PPP1R15B: variants seen among roughly 807,000 people sequenced by gnomAD.
PPP1R15B encodes protein phosphatase 1, regulatory (inhibitor) subunit 15B.
A neutral mutation model predicts 53.9 loss-of-function variants in PPP1R15B; 31 were observed. The observed-to-expected ratio is 0.58, with a 90% CI of 0.43 to 0.78. PPP1R15B has a LOEUF of 0.78. Ranked by LOEUF, PPP1R15B falls within the 30% of genes least tolerant of loss-of-function variation. The probability of loss-of-function intolerance (pLI) is 0.00; values close to 1 mark genes in which losing one functional copy is unlikely to be tolerated. For synonymous variants in PPP1R15B, 345 were observed against 329.1 expected (o/e 1.05, Z -0.52); for missense variants, 928 against 849.6 (o/e 1.09, Z -1.15).
intron 1 of PPP1R15B, 68 bp from the exon 2 acceptor site, chr1:204,406,381 C>T: frequency 1.9e-6 from 3 of 1,543,180 alleles, no homozygotes; most frequent in Non-Finnish European, 2.6e-6. Context: ...GTCAATAACC[C>T]TTTATGCTAC....
downstream of PPP1R15B, among the ~76,000 whole-genome samples, chr1:204,399,735 G>C (rs150931818): frequency 5.9e-4 from 90 of 152,144 alleles, no homozygotes; most frequent in Middle Eastern, 3.4e-3. Context: ...AGGGCAGAGT[G>C]AACATAATTT....
intron 1 of PPP1R15B, 51 bp downstream of exon 1, chr1:204,409,441 A>C (rs368265401): frequency 2.1e-5 from 33 of 1,537,384 alleles, no homozygotes; most frequent in South Asian, 1.9e-4. Flanking sequence ...ATATTTAAGC[A>C]TATAAAAACA....
chr1:204,400,430 C>A (rs1285005493), downstream of PPP1R15B, among the ~76,000 whole-genome samples: 1 of 151,742 alleles, frequency 6.6e-6, no homozygotes, highest in East Asian at 1.9e-4. Flanking sequence ...CCAACTCAGC[C>A]TCCCAAGTAG....
downstream of PPP1R15B, among the ~76,000 whole-genome samples, chr1:204,402,802 G>A (rs146053727): frequency 6.9e-4 from 105 of 151,960 alleles, 2 homozygotes; most frequent in East Asian, 0.019. Context: ...AGCCAGACAC[G>A]GTGGCTCACG....
intron 1 of PPP1R15B, among the ~76,000 whole-genome samples, chr1:204,407,682 T>C (rs1674288993): frequency 6.6e-6 from 1 of 152,214 alleles, no homozygotes; most frequent in African/African-American, 2.4e-5. Flanking sequence ...GTGTTTACCA[T>C]ATACCAGGCT....
chr1:204,406,488 G>A (rs112678824), intron 1 of PPP1R15B, among the ~76,000 whole-genome samples, 175 bp from the exon 2 acceptor site: 10,182 of 152,042 alleles, frequency 0.067, 474 homozygotes, highest in Non-Finnish European at 0.1. Flanking sequence ...GTTCTGTCAC[G>A]CCTGTAATCC....
At position 204,404,182 on chromosome 1, in the gene PPP1R15B, T is replaced by C. The variant is rs1674223982; in HGVS notation, c.*1910A>G. On this transcript the variant is annotated 3_prime_UTR_variant, in exon 2 of 2. Transcript: ENST00000367188. ...TCATGTTATTAGACCATCCTGTAAATGTGCTCCCTATGATTACCTAAAGTG... is the reference window on the plus strand; with the variant it reads ...TCATGTTATTAGACCATCCTGTAAACGTGCTCCCTATGATTACCTAAAGTG... 2 of 985,400 alleles carry C rather than the reference T, an allele frequency of 2.0e-6. No individual in the cohort carries two copies. The highest frequency in any genetic ancestry group is 2.4e-6 in the Non-Finnish European group (2 of 829,938). 61.0% of individuals were successfully genotyped at this position (985,400 alleles called of 1,614,324 possible). A position where few individuals can be genotyped will look rare whatever the true frequency, so the allele number is the denominator to read the frequency against.
downstream of PPP1R15B, among the ~76,000 whole-genome samples, chr1:204,402,215 AAT>A (rs1674189474): frequency 6.6e-6 from 1 of 152,214 alleles, no homozygotes; most frequent in South Asian, 2.1e-4. Flanking sequence ...CCAGTTCAGA[AAT>A]ATATCTTAAT....
In PPP1R15B at chr1:204,403,821, A is replaced by C; in HGVS notation, c.*2271T>G. Reference sequence around the variant, plus strand: ...CTTTTTTCTCCTTCAGTCCAACTTTAAAATAGTCCTTTCTGTCCTTCTTAT... The same window carrying C: ...CTTTTTTCTCCTTCAGTCCAACTTTCAAATAGTCCTTTCTGTCCTTCTTAT... On this transcript the variant is annotated 3_prime_UTR_variant, in exon 2 of 2. Coordinates refer to ENST00000367188, the MANE Select transcript of PPP1R15B (RefSeq NM_032833.5). The C allele has an allele frequency of 1.0e-6, 1 of 985,868 alleles. No individual in the cohort carries two copies. Among genetic ancestry groups the C allele is most frequent in the South Asian group, 4.7e-5 (1 of 21,278 alleles). The allele number at this position is 985,868 out of a possible 1,614,324, so 61.1% of individuals were successfully genotyped here.
intron 1 of PPP1R15B, among the ~76,000 whole-genome samples, chr1:204,406,540 A>C (rs1674267213): frequency 6.6e-6 from 1 of 152,170 alleles, no homozygotes. Context: ...ACCTGAGGTC[A>C]GGAGTTCAAG....
rs771597286 is a variant in PPP1R15B at position 204,406,062 on chromosome 1, G to A, written c.*30C>T. On this transcript the variant is annotated 3_prime_UTR_variant, in exon 2 of 2. Transcript: ENST00000367188. ...AGACACCTCTCAGGTAAGAGGTAGT[G>A]TATGCTAGCTAGGACTACAGGCTGC... 4.3e-6 allele frequency: 7 copies of A among 1,609,770 alleles called. No individual in the cohort carries two copies. Among genetic ancestry groups the A allele is most frequent in the Non-Finnish European group, 5.9e-6 (7 of 1,176,950 alleles).
Position 204,411,518 on chromosome 1 carries a change from G to A in PPP1R15B, c.-107C>T. 7.0e-7 allele frequency: 1 copy of A among 1,427,638 alleles called. No homozygotes were observed. The highest frequency in any genetic ancestry group is 1.4e-5 in the South Asian group (1 of 73,994). The allele number at this position is 1,427,638 out of a possible 1,614,324, so 88.4% of individuals were successfully genotyped here. ...AGTCTCGGCCTTGCCCAGCGGTGGC[G>A]TCGCTGCTCCAGGCCGATCTTCGAG... On this transcript the variant is annotated 5_prime_UTR_variant, in exon 1 of 2. It adds an upstream start codon to the 5' untranslated region. Coordinates refer to ENST00000367188, the MANE Select transcript of PPP1R15B (RefSeq NM_032833.5).
chr1:204,405,498 A>G lies in PPP1R15B; in HGVS notation c.*594T>C, dbSNP rs961539809. 2.0e-6 allele frequency: 2 copies of G among 983,900 alleles called. No homozygotes were observed. The highest frequency in any genetic ancestry group is 4.7e-5 in the South Asian group (1 of 21,264). The allele number at this position is 983,900 out of a possible 1,614,324, so 60.9% of individuals were successfully genotyped here. A position where few individuals can be genotyped will look rare whatever the true frequency, so the allele number is the denominator to read the frequency against. On this transcript the variant is annotated 3_prime_UTR_variant, in exon 2 of 2. Coordinates refer to ENST00000367188, the MANE Select transcript of PPP1R15B (RefSeq NM_032833.5). The stretch of plus-strand genomic sequence containing the variant: ...AATGTAGAAATAAAAAGGCTACCAC[A>G]TATTTTCAATCCAAGTCATTTTTAC...
chr1:204,403,305 T>G (rs1674208830), downstream of PPP1R15B: 2 of 498,648 alleles, frequency 4.0e-6, no homozygotes, highest in Non-Finnish European at 5.2e-6. Context: ...GCAATTATAC[T>G]AATCCTGCTT....
downstream of PPP1R15B, among the ~76,000 whole-genome samples, chr1:204,396,902 C>A (rs1674107361): frequency 6.6e-6 from 1 of 152,092 alleles, no homozygotes; most frequent in Admixed American, 6.6e-5. Flanking sequence ...GTATTATATT[C>A]TTGCAAATTG....
At position 204,411,008 on chromosome 1, in the gene PPP1R15B, G is replaced by A; in HGVS notation, c.404C>T (p.Ser135Leu). 6.2e-7 allele frequency: 1 copy of A among 1,614,122 alleles called. No individual in the cohort carries two copies. The highest frequency in any genetic ancestry group is 8.5e-7 in the Non-Finnish European group (1 of 1,180,004). Residue 135 changes from serine (S) to leucine (L), a missense_variant, in exon 1 of 2, where the codon TCG (serine) becomes TTG (leucine). Ser to Leu is a moderately radical substitution (Grantham distance 145, BLOSUM62 -2). Coordinates refer to ENST00000367188, the MANE Select transcript of PPP1R15B (RefSeq NM_032833.5). ...TAGCCAATCAAGGGGACTGGTGACC[G>A]AGGGGTCTGAGGAGTCGAGCTGCAG... ...SSLQLDSSDPSVTSPLDWLEE... is the reference protein window; with the variant it reads ...SSLQLDSSDPLVTSPLDWLEE...
At position 204,409,478 on chromosome 1, in the gene PPP1R15B, G is replaced by A. The variant is rs190659991; in HGVS notation, c.1920+14C>T. 2 of 1,596,356 alleles carry A rather than the reference G, an allele frequency of 1.3e-6. No homozygotes were observed. The highest frequency in any genetic ancestry group is 1.7e-6 in the Non-Finnish European group (2 of 1,171,748). Reference sequence around the variant, plus strand: ...TCAGAACATATCAGGCATGTTAAAAGACAAGAAACAAACCTTTTTTCTTTT... The same window carrying A: ...TCAGAACATATCAGGCATGTTAAAAAACAAGAAACAAACCTTTTTTCTTTT... On this transcript the variant is annotated intron_variant, in intron 1 of 1. Coordinates refer to ENST00000367188, the MANE Select transcript of PPP1R15B (RefSeq NM_032833.5).
chr1:204,404,439 C>G lies in PPP1R15B; in HGVS notation c.*1653G>C. ...GGCGGAGGTTGCAGTGAGCCGAGATCGCGCCACTGCACTCCAAGCTGGGGG... is the reference window on the plus strand; with the variant it reads ...GGCGGAGGTTGCAGTGAGCCGAGATGGCGCCACTGCACTCCAAGCTGGGGG... On this transcript the variant is annotated 3_prime_UTR_variant, in exon 2 of 2. Transcript: ENST00000367188. 2.8e-6 allele frequency: 2 copies of G among 726,546 alleles called. No homozygotes were observed. The highest frequency in any genetic ancestry group is 3.4e-6 in the Non-Finnish European group (2 of 594,292). 45.0% of individuals were successfully genotyped at this position (726,546 alleles called of 1,614,324 possible).
chr1:204,401,802 T>C (rs1393334086), downstream of PPP1R15B, among the ~76,000 whole-genome samples: 1 of 151,470 alleles, frequency 6.6e-6, no homozygotes, highest in African/African-American at 2.4e-5. Context: ...GCACCTGGAG[T>C]CCCAGCTACT....
Sources: gnomAD v4.1 joint callset for allele counts (sites outside exome capture counted in the v4.1 genomes callset) on GRCh38, gnomAD v4.1.1 for gene constraint, MANE v1.5 for transcripts, NCBI Gene and HGNC (gene_info 2026-07-23, HGNC 2026-07-21) for gene names.